Variants in ASPH observed in about 807,000 individuals in gnomAD.
The protein encoded by ASPH is aspartate beta-hydroxylase.
ASPH carries 100 observed loss-of-function variants against 118.4 expected under a neutral mutation model. The ratio of observed to expected loss-of-function variants is 0.84; its 90% confidence interval spans 0.72 to 1.00. The LOEUF is 1.00. Ranked by LOEUF, ASPH falls within the 50% of genes least tolerant of loss-of-function variation. The pLI is 0.00. For synonymous variants in ASPH, 315 were observed against 325.6 expected, an observed-to-expected ratio of 0.97 and a Z score of 0.35; for missense variants, 920 against 919.5, an observed-to-expected ratio of 1.00 and a Z score of -0.01.
chr8:61,573,998 T>C (rs147277939), intron 16 of ASPH, among the ~76,000 whole-genome samples: 14,883 of 152,124 alleles, frequency 0.098, 761 homozygotes, highest in Non-Finnish European at 0.12. Context: ...TAAACAAATT[T>C]ACAAGAAAAA....
chr8:61,590,798 G>T (rs1840889380), intron 14 of ASPH, among the ~76,000 whole-genome samples: 1 of 151,908 alleles, frequency 6.6e-6, no homozygotes, highest in Non-Finnish European at 1.5e-5. Flanking sequence ...TTTTCTCATG[G>T]TGTTTTATCT....
At position 61,643,389 on chromosome 8, in the gene ASPH, T is replaced by A. The variant is rs767463504; in HGVS notation, c.754A>T (p.Thr252Ser). The A allele has an allele frequency of 5.6e-6, 9 of 1,605,956 alleles. No homozygotes were observed. Among genetic ancestry groups the A allele is most frequent in the Non-Finnish European group, 7.6e-6 (9 of 1,179,170 alleles). ...AATGAAAATGCTCATCTAATACCTG[T>A]ATCATGGTGCAATCTTTCATCTTCT... is the stretch of plus-strand genomic sequence containing the variant. ...VVEDERLHHD[T>S]DDVTYQVYEE... Residue 252 changes from threonine (T) to serine (S), a missense_variant, in exon 9 of 25, where the codon ACA (threonine) becomes TCA (serine). Transcript: ENST00000379454.
intron 1 of ASPH, among the ~76,000 whole-genome samples, chr8:61,689,371 A>G (rs1004945471): frequency 6.6e-6 from 1 of 152,094 alleles, no homozygotes; most frequent in Non-Finnish European, 1.5e-5. Flanking sequence ...ATTAACTTAT[A>G]AGAATAAGAA....
intron 21 of ASPH, 86 bp downstream of exon 21, chr8:61,547,985 A>G (rs1824532954): frequency 1.4e-6 from 2 of 1,456,138 alleles, no homozygotes; most frequent in Non-Finnish European, 1.8e-6. Context: ...CTCTTCCCTG[A>G]CATTCCTTTT....
chr8:61,621,098 G>C (rs1177688422), intron 13 of ASPH, among the ~76,000 whole-genome samples: 1 of 152,188 alleles, frequency 6.6e-6, no homozygotes, highest in Non-Finnish European at 1.5e-5. Context: ...TTCCCATGCT[G>C]TATCTAAAAG....
chr8:61,644,068 G>A, intron 7 of ASPH, 67 bp from the exon 8 acceptor site: 4 of 1,205,894 alleles, frequency 3.3e-6, no homozygotes, highest in Non-Finnish European at 4.8e-6. Context: ...TTCGAAACCA[G>A]AAAGACACAA....
intron 14 of ASPH, 97 bp downstream of exon 14, chr8:61,618,881 T>C: frequency 9.5e-7 from 1 of 1,053,030 alleles, no homozygotes. Flanking sequence ...TTCTTTTAAT[T>C]AGTGACATAA....
chr8:61,552,904 T>G, intron 20 of ASPH, 127 bp downstream of exon 20: 1 of 715,276 alleles, frequency 1.4e-6, no homozygotes, highest in African/African-American at 1.8e-5. Context: ...AGTAACTAAA[T>G]AGTTTATATC....
rs1387053504 is a variant in ASPH at position 61,671,245 on chromosome 8, G to T, written c.322+9723C>A. Among the ~76,000 whole-genome samples, 3 of 152,054 alleles carry T rather than the reference G, an allele frequency of 2.0e-5. No individual in the cohort carries two copies. The East Asian group carries it at 5.8e-4, about 29-fold the overall frequency. On this transcript the variant is annotated intron_variant, in intron 3 of 24. Transcript: ENST00000379454. ...TAAATTCTTATCATTTGCAACTTTG[G>T]TTGATGTAGATTCTCCCTACAGTGC... is the stretch of plus-strand genomic sequence containing the variant.
chr8:61,616,651 A>T (rs1296145577), intron 14 of ASPH, among the ~76,000 whole-genome samples: 1 of 152,190 alleles, frequency 6.6e-6, no homozygotes, highest in African/African-American at 2.4e-5. Flanking sequence ...AGGCTTGTTC[A>T]GGTGCTCCAG....
chr8:61,596,730 TC>T (rs1374457390), intron 14 of ASPH, among the ~76,000 whole-genome samples: 1 of 152,194 alleles, frequency 6.6e-6, no homozygotes, highest in Non-Finnish European at 1.5e-5. Flanking sequence ...TATAGATACT[TC>T]TACAGCAAAA....
rs143201321 is a variant in ASPH, at chr8:61,585,680, T to A, written c.977-1651A>T. Among the ~76,000 whole-genome samples the A allele has an allele frequency of 2.2e-4, 34 of 152,240 alleles. No homozygotes were observed. The East Asian group carries it at 6.4e-3, about 29-fold the overall frequency. The stretch of plus-strand genomic sequence containing the variant: ...GCCTACCCTCCTCTACTTGCCACGC[T>A]CCCTCCCCTCCCCTGGGGGGCACCT... On this transcript the variant is annotated intron_variant, in intron 14 of 24. Coordinates refer to ENST00000379454, the MANE Select transcript of ASPH (RefSeq NM_004318.4).
intron 3 of ASPH, among the ~76,000 whole-genome samples, chr8:61,678,475 T>C (rs1826411308): frequency 6.6e-6 from 1 of 152,046 alleles, no homozygotes; most frequent in African/African-American, 2.4e-5. Context: ...TGGCCAGAAA[T>C]AACCAAATAA....
chr8:61,593,420 A>G (rs1174181978), intron 14 of ASPH, among the ~76,000 whole-genome samples: 2 of 152,240 alleles, frequency 1.3e-5, no homozygotes, highest in East Asian at 3.8e-4. Flanking sequence ...CTGTTTTTTC[A>G]GAATTAATTA....
intron 14 of ASPH, among the ~76,000 whole-genome samples, chr8:61,601,607 G>A (rs183424141): frequency 6.7e-6 from 1 of 149,656 alleles, no homozygotes; most frequent in Non-Finnish European, 1.5e-5. Context: ...TAAAATAAGT[G>A]GAAGAAAGGA....
intron 1 of ASPH, among the ~76,000 whole-genome samples, chr8:61,687,261 A>T (rs1008196489): frequency 6.6e-6 from 1 of 152,184 alleles, no homozygotes; most frequent in African/African-American, 2.4e-5. Flanking sequence ...ACTCAGTGAT[A>T]CTCATTTAAG....
intron 16 of ASPH, among the ~76,000 whole-genome samples, chr8:61,576,399 T>C (rs769814599): frequency 2.0e-5 from 3 of 152,220 alleles, no homozygotes; most frequent in Non-Finnish European, 2.9e-5. Flanking sequence ...TTTAGAAAGG[T>C]CTTTCCTAAG....
chr8:61,574,744 A>T (rs1261572466), intron 16 of ASPH, among the ~76,000 whole-genome samples: 7 of 152,190 alleles, frequency 4.6e-5, no homozygotes, highest in Non-Finnish European at 1.5e-5. Flanking sequence ...TACCTAACAT[A>T]GGTGATGGGT....
rs1332837658 is a variant in ASPH at position 61,655,549 on chromosome 8, T to A, written c.323-1889A>T. ...GTTTTCTCACCAAACGATAAAGATC[T>A]AAACTGCCTGAAAACCCCATTCTTA... On this transcript the variant is annotated intron_variant, in intron 3 of 24. Transcript: ENST00000379454. Among the ~76,000 whole-genome samples the A allele has an allele frequency of 5.3e-5, 8 of 152,210 alleles. No individual in the cohort carries two copies. In the South Asian group the frequency reaches 1.7e-3, roughly 31 times the overall value.
Sources: gnomAD v4.1 joint callset for allele counts (sites outside exome capture counted in the v4.1 genomes callset) on GRCh38, gnomAD v4.1.1 for gene constraint, MANE v1.5 for transcripts, NCBI Gene and HGNC (gene_info 2026-07-23, HGNC 2026-07-21) for gene names.